SMO: variants seen among roughly 807,000 people sequenced by gnomAD.
The protein encoded by SMO is protein smoothened.
SMO carries 40 observed loss-of-function variants against 81.6 expected under a neutral mutation model. The ratio of observed to expected loss-of-function variants is 0.49; its 90% confidence interval spans 0.38 to 0.64. The LOEUF is 0.64. Ranked by LOEUF, SMO falls within the 30% of genes least tolerant of loss-of-function variation. The pLI is 0.00. For missense variants in SMO, 916 were observed against 1,061.1 expected (o/e 0.86, Z 1.90); for synonymous variants, 434 against 432.1 (o/e 1.00, Z -0.05).
At position 129,211,153 on chromosome 7, in the gene SMO, G is replaced by T. The variant is rs372440411; in HGVS notation, c.1801+40G>T. 3 of 1,573,506 alleles carry T rather than the reference G, an allele frequency of 1.9e-6. No individual in the cohort carries two copies. Among genetic ancestry groups the T allele is most frequent in the Non-Finnish European group, 1.7e-6 (2 of 1,159,340 alleles). On this transcript the variant is annotated intron_variant, in intron 10 of 11. Coordinates refer to ENST00000249373, the MANE Select transcript of SMO (RefSeq NM_005631.5). This position sits in a 1 kb window ranked among gnomAD's most constrained non-coding sequence, Gnocchi z 4.6. ...TCCTCTACCGGAGCCGCCTGGCCCC[G>T]CGCTGCCCATGTGCTAGTCTCTCCC...
intron 1 of SMO, among the ~76,000 whole-genome samples, chr7:129,196,100 CA>C (rs1011373792): frequency 2.0e-3 from 113 of 57,216 alleles, no homozygotes; most frequent in Admixed American, 2.1e-3. Context: ...GACTCCCTCT[CA>C]AAAAAAAAAA....
chr7:129,194,893 T>C (rs956469201), intron 1 of SMO, among the ~76,000 whole-genome samples: 4 of 152,160 alleles, frequency 2.6e-5, no homozygotes, highest in African/African-American at 9.7e-5. Flanking sequence ...ACGATTCTCC[T>C]GCCTCCGCCT....
intron 7 of SMO, 33 bp from the exon 8 acceptor site, chr7:129,209,256 G>T (rs374327277): frequency 7.7e-7 from 1 of 1,303,312 alleles, no homozygotes. Context: ...GACTGGGCTT[G>T]GTAACGTCCT....
At chr7:129,191,024 G>T (rs1401082665) in intron 1 of SMO, among the ~76,000 whole-genome samples, 1 of 152,056 alleles carries the variant, frequency 6.6e-6, no homozygotes, top group East Asian at 1.9e-4. Context: ...AGATTGCTTT[G>T]AGCACCACCC....
rs372847405 is a variant in SMO, at chr7:129,212,263, C to G, written c.2176C>G (p.Arg726Gly). 5 of 1,609,164 alleles carry G rather than the reference C, an allele frequency of 3.1e-6. No individual in the cohort carries two copies. The African/African-American group carries it at 6.7e-5, about 22-fold the overall frequency. The change falls in exon 12 of 12, where the codon CGA becomes GGA. Residue 726 changes from arginine to glycine, a missense_variant. Arg to Gly is a moderately radical substitution (Grantham distance 125, BLOSUM62 -2). This residue lies in a region of SMO where 324 missense variants were observed against 312.9 expected (regional missense o/e 1.04). Coordinates refer to ENST00000249373, the MANE Select transcript of SMO (RefSeq NM_005631.5). This position sits in a 1 kb window ranked among gnomAD's most constrained non-coding sequence, Gnocchi z 5.0. ...AGAWGAGDSC[R>G]QGAWTLVSNP... ...TGCCTGGGGAGCTGGGGACTCTTGC[C>G]GACAGGGAGCGTGGACCCTGGTCTC...
rs1279694769 is a variant in SMO, at chr7:129,211,886, G to A, written c.1936+116G>A. On this transcript the variant is annotated intron_variant, in intron 11 of 11. Transcript: ENST00000249373. This position sits in a 1 kb window ranked among gnomAD's most constrained non-coding sequence, Gnocchi z 4.6. Reference sequence around the variant, plus strand: ...GGAAGAGGAAGGAAAGGCCCCAGAGGATCTGAAGAGTGGGGCTGAGGCTCT... The same window carrying A: ...GGAAGAGGAAGGAAAGGCCCCAGAGAATCTGAAGAGTGGGGCTGAGGCTCT... 3 of 1,456,544 alleles carry A rather than the reference G, an allele frequency of 2.1e-6. No individual in the cohort carries two copies. The highest frequency in any genetic ancestry group is 2.4e-5 in the South Asian group (2 of 84,796). 90.2% of individuals were successfully genotyped at this position (1,456,544 alleles called of 1,614,324 possible).
intron 1 of SMO, among the ~76,000 whole-genome samples, chr7:129,195,198 C>T (rs1019874833): frequency 6.6e-6 from 1 of 152,210 alleles, no homozygotes; most frequent in Non-Finnish European, 1.5e-5. Context: ...CAAGTTCCTT[C>T]AGGTATATGC....
At position 129,206,284 on chromosome 7, in the gene SMO, C is replaced by T. The variant is rs1793764560; in HGVS notation, c.1055C>T (p.Pro352Leu). 3 of 1,614,240 alleles carry T rather than the reference C, an allele frequency of 1.9e-6. No individual in the cohort carries two copies. The highest frequency in any genetic ancestry group is 2.5e-6 in the Non-Finnish European group (3 of 1,180,036). ...SFKALGTTYQ[P>L]LSGKTSYFHL... ...AAAGCCCTGGGCACCACCTACCAGC[C>T]TCTCTCGGGCAAGACCTCCTACTTC... Residue 352 changes from proline to leucine, a missense_variant, in exon 5 of 12, where the codon CCT (proline) becomes CTT (leucine). Physicochemically the swap from Pro to Leu is moderately conservative, Grantham distance 98 (BLOSUM62 -3). Around this residue, in one of 4 missense-constraint regions of SMO, gnomAD observed 436 missense variants for 570.9 expected, o/e 0.76. Transcript: ENST00000249373. The surrounding 1 kb of genome is among the most constrained non-coding windows in gnomAD (Gnocchi z 4.4).
At chr7:129,202,008 G>A (rs966384352) in intron 1 of SMO, among the ~76,000 whole-genome samples, 6 of 152,050 alleles carry the variant, frequency 3.9e-5, no homozygotes, top group African/African-American at 1.4e-4. Flanking sequence ...AGTCAAGTGG[G>A]AACTGTTGCC....
chr7:129,212,148 G>A lies in SMO; in HGVS notation c.2061G>A (p.Pro687=), dbSNP rs115961818. ...AGAAGGAGGTGTGCCCGCTGGCGCCGCCCCCTGAGCTTCACCCCCCTGCCC... is the reference window on the plus strand; with the variant it reads ...AGAAGGAGGTGTGCCCGCTGGCGCCACCCCCTGAGCTTCACCCCCCTGCCC... ...KRKKEVCPLA[P]PPELHPPAPA... Residue 687 remains proline, a synonymous_variant, in exon 12 of 12, where the codon CCG becomes CCA. Coordinates refer to ENST00000249373, the MANE Select transcript of SMO (RefSeq NM_005631.5). The surrounding 1 kb of genome is among the most constrained non-coding windows in gnomAD (Gnocchi z 5.0). The A allele has an allele frequency of 1.1e-4, 172 of 1,556,362 alleles. No homozygotes were observed. The highest frequency in any genetic ancestry group is 6.5e-4 in the South Asian group (55 of 84,836).
At position 129,208,689 on chromosome 7, in the gene SMO, C is replaced by G; in HGVS notation, c.1265-70C>G. 1 of 937,724 alleles carries G rather than the reference C, an allele frequency of 1.1e-6. No homozygotes were observed. The allele number at this position is 937,724 out of a possible 1,614,324, so 58.1% of individuals were successfully genotyped here. On this transcript the variant is annotated intron_variant, in intron 6 of 11. Transcript: ENST00000249373. The surrounding 1 kb of genome is among the most constrained non-coding windows in gnomAD (Gnocchi z 5.2). Reference sequence around the variant, plus strand: ...GACTCCAGAGCCTTAGGACCCTCCTCCCACTCACCCATCCTTCCCAGCAGG... The same window carrying G: ...GACTCCAGAGCCTTAGGACCCTCCTGCCACTCACCCATCCTTCCCAGCAGG...
Position 129,210,148 on chromosome 7 carries a change from C to T in SMO, c.1467-215C>T. ...TTTCTAAAGTTTTTGGATTGATTGTCTGAGTCTACCCAGTAGACTCAGAAA... is the reference window on the plus strand; with the variant it reads ...TTTCTAAAGTTTTTGGATTGATTGTTTGAGTCTACCCAGTAGACTCAGAAA... On this transcript the variant is annotated intron_variant, in intron 8 of 11. Coordinates refer to ENST00000249373, the MANE Select transcript of SMO (RefSeq NM_005631.5). This position sits in a 1 kb window ranked among gnomAD's most constrained non-coding sequence, Gnocchi z 4.7. 1 of 512,370 alleles carries T rather than the reference C, an allele frequency of 2.0e-6. No homozygotes were observed. The highest frequency in any genetic ancestry group is 3.5e-6 in the Non-Finnish European group (1 of 282,608). 31.7% of individuals were successfully genotyped at this position (512,370 alleles called of 1,614,324 possible).
chr7:129,189,585 G>T lies in SMO; in HGVS notation c.331+103G>T. 7.8e-7 allele frequency: 1 copy of T among 1,288,720 alleles called. No homozygotes were observed. Among genetic ancestry groups the T allele is most frequent in the Non-Finnish European group, 1.1e-6 (1 of 943,220 alleles). 79.8% of individuals were successfully genotyped at this position (1,288,720 alleles called of 1,614,324 possible). ...AGGCCTGAGTTTTGGAGAGGGCGGG[G>T]ACAGCACCCGGGAGAGTTGGAGGGA... On this transcript the variant is annotated intron_variant, in intron 1 of 11. Coordinates refer to ENST00000249373, the MANE Select transcript of SMO (RefSeq NM_005631.5). The surrounding 1 kb of genome is among the most constrained non-coding windows in gnomAD (Gnocchi z 4.7).
intron 1 of SMO, among the ~76,000 whole-genome samples, chr7:129,199,419 TG>T (rs1262445053): frequency 1.3e-5 from 2 of 152,082 alleles, no homozygotes; most frequent in African/African-American, 4.8e-5. Context: ...TGACCTCAGG[TG>T]GTCCACCTGC....
Position 129,212,705 on chromosome 7 carries a change from A to G in SMO, c.*254A>G. The G allele has an allele frequency of 5.5e-6, 3 of 546,018 alleles. No homozygotes were observed. The South Asian group carries it at 7.2e-5, about 13-fold the overall frequency. The allele number at this position is 546,018 out of a possible 1,614,324, so 33.8% of individuals were successfully genotyped here. Reference sequence around the variant, plus strand: ...TCCTTGTTTCTGCCCTGCCAGCTGCAGCCTGGTTGGCAGCATCTGCTCCAT... The same window carrying G: ...TCCTTGTTTCTGCCCTGCCAGCTGCGGCCTGGTTGGCAGCATCTGCTCCAT... On this transcript the variant is annotated 3_prime_UTR_variant, in exon 12 of 12. Coordinates refer to ENST00000249373, the MANE Select transcript of SMO (RefSeq NM_005631.5). The surrounding 1 kb of genome is among the most constrained non-coding windows in gnomAD (Gnocchi z 5.0).
chr7:129,204,955 G>A (rs1372615754), intron 2 of SMO, among the ~76,000 whole-genome samples: 1 of 151,980 alleles, frequency 6.6e-6, no homozygotes, highest in Non-Finnish European at 1.5e-5. Flanking sequence ...AGTGAGCTGA[G>A]ATCACGCCAC....
rs774627960 is a variant in SMO at position 129,210,984 on chromosome 7, G to A, written c.1672G>A (p.Asp558Asn). ...TCTCAGGTTGACTGGGCAGAGTGAC[G>A]ATGAGCCAAAGCGGATCAAGAAGAG... The part of the protein sequence containing the change: ...TWCRLTGQSD[D>N]EPKRIKKSKM... The change falls in exon 10 of 12, where the codon GAT (aspartate) becomes AAT (asparagine). Residue 558 changes from aspartate (D) to asparagine (N), a missense_variant. Coordinates refer to ENST00000249373, the MANE Select transcript of SMO (RefSeq NM_005631.5). The surrounding 1 kb of genome is among the most constrained non-coding windows in gnomAD (Gnocchi z 4.7). 9 of 1,611,530 alleles carry A rather than the reference G, an allele frequency of 5.6e-6. No homozygotes were observed. Among genetic ancestry groups the A allele is most frequent in the East Asian group, 2.2e-5 (1 of 44,872 alleles).
chr7:129,209,063 A>G, intron 7 of SMO: 1 of 614,308 alleles, frequency 1.6e-6, no homozygotes, highest in African/African-American at 1.8e-5. Context: ...TCATGCCGGG[A>G]CTGGTTCCTC....
intron 2 of SMO, among the ~76,000 whole-genome samples, chr7:129,204,389 C>G (rs1462315344): frequency 1.2e-4 from 1 of 8,154 alleles, no homozygotes; most frequent in Non-Finnish European, 5.7e-4. Context: ...GCCTGTTATC[C>G]CCACCACTTT....
Sources: allele counts gnomAD v4.1 joint callset (sites outside exome capture counted in the v4.1 genomes callset), GRCh38; gene constraint gnomAD v4.1.1; regional missense constraint gnomAD v4.1.1; non-coding constraint Gnocchi (gnomAD v3.1); transcripts MANE v1.5; gene names NCBI Gene and HGNC (gene_info 2026-07-23, HGNC 2026-07-21).